PLB1: variants seen among roughly 807,000 people sequenced by gnomAD.
PLB1 encodes phospholipase B1, membrane-associated.
Under a neutral mutation model 227.4 loss-of-function variants are expected in PLB1, and 242 were observed. That is an observed-to-expected ratio of 1.06 (90% confidence interval 0.96 to 1.18). PLB1 has a LOEUF of 1.18. Among genes scored for constraint, PLB1 ranks in the 50% most tolerant of loss-of-function variants. The pLI is 0.00. For missense variants in PLB1, 1,858 were observed against 1,816.3 expected, an observed-to-expected ratio of 1.02 and a Z score of -0.42; for synonymous variants, 757 against 682.2, an observed-to-expected ratio of 1.11 and a Z score of -1.71.
intron 49 of PLB1, among the ~76,000 whole-genome samples, chr2:28,621,684 G>A (rs1392227530): frequency 6.6e-6 from 1 of 152,162 alleles, no homozygotes; most frequent in African/African-American, 2.4e-5. Context: ...GACTCACTCT[G>A]TTTACAGGGA....
intron 26 of PLB1, among the ~76,000 whole-genome samples, chr2:28,589,160 GT>G (rs765626971): frequency 4.0e-5 from 6 of 151,536 alleles, no homozygotes; most frequent in Non-Finnish European, 5.9e-5. Flanking sequence ...GTGAGACTCT[GT>G]CCCCCCAAAA....
rs543290602 is a variant in PLB1 at position 28,623,922 on chromosome 2, CCTGT to C, written c.3528-1132_3528-1129del. On this transcript the variant is annotated intron_variant, in intron 49 of 57. Transcript: ENST00000327757. ...ACCAGTCTGAGCAACTTGGTGAAAC[CCTGT>C]CTCTACCAAAAATACAAAAAATTAG... 1.7e-3 allele frequency among the ~76,000 whole-genome samples: 261 copies of C among 152,208 alleles called. 1 individual carries two copies. Among genetic ancestry groups the C allele is most frequent in the African/African-American group, 5.9e-3 (243 of 41,528 alleles).
At chr2:28,504,940 A>G (rs1183085713) in intron 1 of PLB1, among the ~76,000 whole-genome samples, 1 of 152,126 alleles carries the variant, frequency 6.6e-6, no homozygotes, top group African/African-American at 2.4e-5. Context: ...AAATGTACTT[A>G]TGAGATTCTT....
rs1244435078 is a variant in PLB1, at chr2:28,643,012, G to A, written c.4328G>A (p.Gly1443Asp). ...IGTVVWRCRR[G>D]GRREDPPMSL... The stretch of plus-strand genomic sequence containing the variant: ...ACAGTGGTCTGGAGGTGCAGGAGAG[G>A]TGGCCGGAGGGAAGATCCTCCAATG... Residue 1443 changes from glycine (G) to aspartate (D), a missense_variant, in exon 58 of 58, where the codon GGT becomes GAT. Physicochemically the swap from Gly to Asp is moderately conservative, Grantham distance 94. Coordinates refer to ENST00000327757, the MANE Select transcript of PLB1 (RefSeq NM_153021.5). 6.2e-7 allele frequency: 1 copy of A among 1,610,942 alleles called. No individual in the cohort carries two copies. Among genetic ancestry groups the A allele is most frequent in the Non-Finnish European group, 8.5e-7 (1 of 1,178,934 alleles).
intron 33 of PLB1, chr2:28,595,951 T>C (rs1682837971): frequency 6.6e-6 from 1 of 152,182 alleles, no homozygotes; most frequent in Non-Finnish European, 1.5e-5. Flanking sequence ...TTGGCCAGCT[T>C]AACAATGTGC....
At position 28,519,694 on chromosome 2, in the gene PLB1, T is replaced by C. The variant is rs772692618; in HGVS notation, c.185-11T>C. 3.1e-6 allele frequency: 5 copies of C among 1,602,024 alleles called. No homozygotes were observed. Among genetic ancestry groups the C allele is most frequent in the Non-Finnish European group, 4.3e-6 (5 of 1,169,684 alleles). The stretch of plus-strand genomic sequence containing the variant: ...GATCTGACCTTCCTATATGGGTTCT[T>C]GTCTCCACAGTTCACTCTCTGAAGC... On this transcript the variant is annotated splice_polypyrimidine_tract_variant and intron_variant, in intron 3 of 57. Coordinates refer to ENST00000327757, the MANE Select transcript of PLB1 (RefSeq NM_153021.5).
At chr2:28,601,471 ACACACACACAC>A in intron 37 of PLB1, 139 bp downstream of exon 37, 1 of 293,150 alleles carries the variant, frequency 3.4e-6, no homozygotes, top group African/African-American at 2.9e-5. Context: ...TACACATACC[ACACACACACAC>A]ACACACACAC....
At chr2:28,641,910 A>G (rs1690015480) in intron 57 of PLB1, among the ~76,000 whole-genome samples, 1 of 152,066 alleles carries the variant, frequency 6.6e-6, no homozygotes, top group Admixed American at 6.5e-5. Flanking sequence ...CCCATTGACC[A>G]GAGTCTGGAG....
chr2:28,602,747 A>G, intron 38 of PLB1, 74 bp from the exon 39 acceptor site: 1 of 1,368,366 alleles, frequency 7.3e-7, no homozygotes, highest in Non-Finnish European at 1.0e-6. Flanking sequence ...AAAGGAACCC[A>G]TTCCTAGGGG....
Position 28,628,645 on chromosome 2 carries a change from G to T in PLB1, c.3726+17G>T, listed in dbSNP as rs374945738. On this transcript the variant is annotated intron_variant, in intron 52 of 57. Transcript: ENST00000327757. ...TCTGAGGAGGTAGGAGAGGGGTTAC[G>T]TGTTCCTGGGTCCCGCCAGCCACCT... 1.9e-6 allele frequency: 3 copies of T among 1,613,218 alleles called. No homozygotes were observed. Among genetic ancestry groups the T allele is most frequent in the African/African-American group, 1.3e-5 (1 of 74,864 alleles).
In PLB1 at chr2:28,632,127, C is replaced by A. The variant is rs756004861; in HGVS notation, c.3989C>A (p.Thr1330Asn). 1 of 1,613,338 alleles carries A rather than the reference C, an allele frequency of 6.2e-7. No homozygotes were observed. Among genetic ancestry groups the A allele is most frequent in the Non-Finnish European group, 8.5e-7 (1 of 1,179,368 alleles). ...CAGCCTTTCTTCCAAAACACACTCA[C>A]CCCACTGAACGAGGTGAGCTGCAGG... ...VVQPFFQNTL[T>N]PLNERGDTDL... The change falls in exon 55 of 58, where the codon ACC becomes AAC. Residue 1330 changes from threonine to asparagine, a missense_variant. By Grantham distance (65) the Thr-to-Asn change is moderately conservative (BLOSUM62 0). Coordinates refer to ENST00000327757, the MANE Select transcript of PLB1 (RefSeq NM_153021.5).
Position 28,496,152 on chromosome 2 carries a change from T to C in PLB1, c.38T>C (p.Leu13Pro), listed in dbSNP as rs919415846. Residue 13 changes from leucine to proline, a missense_variant, in exon 1 of 58, where the codon CTG (leucine) becomes CCG (proline). By Grantham distance (98) the Leu-to-Pro change is moderately conservative. Transcript: ENST00000327757. ...LRPGIFLLEL[L>P]LLLGQGTPQI... ...CCAGGCATTTTCCTCCTGGAGCTGC[T>C]GCTGCTTCTGGGGCAAGGTAAGCGT... 5.0e-6 allele frequency: 8 copies of C among 1,613,982 alleles called. No individual in the cohort carries two copies. In the African/African-American group the frequency reaches 6.7e-5, roughly 13 times the overall value.
chr2:28,631,802 C>G (rs969331200), intron 54 of PLB1, among the ~76,000 whole-genome samples: 1 of 152,324 alleles, frequency 6.6e-6, no homozygotes, highest in Non-Finnish European at 1.5e-5. Flanking sequence ...CACCAGGAGC[C>G]GCTGGGTTCA....
At chr2:28,624,866 G>A (rs1046593924) in intron 49 of PLB1, among the ~76,000 whole-genome samples, 191 bp from the exon 50 acceptor site, 8 of 152,210 alleles carry the variant, frequency 5.3e-5, no homozygotes, top group African/African-American at 1.9e-4. Flanking sequence ...GCAGGGGCTA[G>A]ATCAATGTGG....
intron 6 of PLB1, 69 bp from the exon 7 acceptor site, chr2:28,529,244 AGTAG>A: frequency 9.9e-7 from 1 of 1,012,538 alleles, no homozygotes; most frequent in East Asian, 2.4e-5. Context: ...CACTCCTGGC[AGTAG>A]GTAGGTCAGT....
chr2:28,497,540 G>T lies in PLB1; in HGVS notation c.55+1371G>T, dbSNP rs112934884. ...GGGAGTGTATCTGGCTTTCTCTGAG[G>T]GGTCCTGAGTTGGAAGCAGAGCAAA... On this transcript the variant is annotated intron_variant, in intron 1 of 57. Coordinates refer to ENST00000327757, the MANE Select transcript of PLB1 (RefSeq NM_153021.5). 5.5e-3 allele frequency among the ~76,000 whole-genome samples: 830 copies of T among 152,214 alleles called. 8 individuals carry two copies. The highest frequency in any genetic ancestry group is 0.019 in the African/African-American group (790 of 41,532).
Position 28,591,166 on chromosome 2 carries a change from A to T in PLB1, c.2122A>T (p.Met708Leu). The change falls in exon 30 of 58, where the codon ATG (methionine) becomes TTG (leucine). Residue 708 changes from methionine (M) to leucine (L), a missense_variant. Physicochemically the swap from Met to Leu is conservative, Grantham distance 15. Coordinates refer to ENST00000327757, the MANE Select transcript of PLB1 (RefSeq NM_153021.5). ...QPFLRTYKNS[M>L]QGHGTWLPCR... ...GTTTCTGAGGACCTACAAGAACAGCATGCAGGTACCTGCCTCTTGCCTCCT... is the reference window on the plus strand; with the variant it reads ...GTTTCTGAGGACCTACAAGAACAGCTTGCAGGTACCTGCCTCTTGCCTCCT... 6.2e-7 allele frequency: 1 copy of T among 1,614,032 alleles called. No individual in the cohort carries two copies. The highest frequency in any genetic ancestry group is 1.6e-4 in the Middle Eastern group (1 of 6,062).
At chr2:28,526,075 TG>T (rs1450613477) in intron 6 of PLB1, 130 bp downstream of exon 6, 1 of 1,042,380 alleles carries the variant, frequency 9.6e-7, no homozygotes, top group Non-Finnish European at 1.4e-6. Context: ...AAGGGGACGG[TG>T]TTCTGAGAGG....
intron 32 of PLB1, 165 bp downstream of exon 32, chr2:28,592,884 C>T (rs868420539): frequency 3.2e-6 from 2 of 623,708 alleles, no homozygotes; most frequent in African/African-American, 3.8e-5. Context: ...CGGCCACTTT[C>T]TCAAACGGAT....
Sources: gnomAD v4.1 joint callset for allele counts (sites outside exome capture counted in the v4.1 genomes callset) on GRCh38, gnomAD v4.1.1 for gene constraint, MANE v1.5 for transcripts, NCBI Gene and HGNC (gene_info 2026-07-23, HGNC 2026-07-21) for gene names.